Variants in MAP4K3 observed in about 807,000 individuals in gnomAD.
MAP4K3 encodes mitogen-activated protein kinase kinase kinase kinase 3, also known as MAPK/ERK kinase kinase kinase 3.
Under a neutral mutation model 143.5 loss-of-function variants are expected in MAP4K3, and 94 were observed. That is an observed-to-expected ratio of 0.65 (90% CI 0.55 to 0.78). MAP4K3 has a LOEUF of 0.78. MAP4K3 is among the 30% of genes least tolerant of loss of function. MAP4K3 has a pLI of 0.00. For synonymous variants in MAP4K3, 416 were observed against 347.2 expected, an observed-to-expected ratio of 1.20 and a Z score of -2.20; for missense variants, 1,077 against 1,068.1, an observed-to-expected ratio of 1.01 and a Z score of -0.12.
At chr2:39,390,501 A>G (rs1463382859) in intron 1 of MAP4K3, among the ~76,000 whole-genome samples, 2 of 152,200 alleles carry the variant, frequency 1.3e-5, no homozygotes, top group Non-Finnish European at 2.9e-5. Flanking sequence ...GATTCAATCA[A>G]TAGCCTATCA....
At chr2:39,284,779 G>A (rs1573095070) in intron 21 of MAP4K3, among the ~76,000 whole-genome samples, 1 of 151,832 alleles carries the variant, frequency 6.6e-6, no homozygotes, top group Admixed American at 6.6e-5. Context: ...AGAAGGTGGA[G>A]GTTGCAGTGA....
At chr2:39,285,566 A>G (rs181233462) in intron 21 of MAP4K3, among the ~76,000 whole-genome samples, 2 of 152,334 alleles carry the variant, frequency 1.3e-5, no homozygotes, top group East Asian at 1.9e-4. Flanking sequence ...ATTACAATGA[A>G]TAACACCAAA....
At chr2:39,333,495 T>G (rs1351944003) in intron 7 of MAP4K3, 37 bp downstream of exon 7, 3 of 1,519,280 alleles carry the variant, frequency 2.0e-6, no homozygotes, top group Non-Finnish European at 2.7e-6. Flanking sequence ...TATCTTAGAA[T>G]AGATTTGTGC....
chr2:39,264,132 A>G (rs1468485742), intron 28 of MAP4K3, among the ~76,000 whole-genome samples: 1 of 152,186 alleles, frequency 6.6e-6, no homozygotes, highest in African/African-American at 2.4e-5. Context: ...GAAAAATCAA[A>G]CTGTGTAGAC....
Position 39,323,654 on chromosome 2 carries a change from A to G in MAP4K3, c.918+1864T>C, listed in dbSNP as rs112048260. On this transcript the variant is annotated intron_variant, in intron 12 of 33. Coordinates refer to ENST00000263881, the MANE Select transcript of MAP4K3 (RefSeq NM_003618.4). ...ATGCACATCATGATCATGATTAGAA[A>G]GAAAATTAGAAAGCAATATGACAAT... The G allele has an allele frequency of 1.6e-3, 238 of 152,294 alleles. 3 individuals are homozygous for G. Among genetic ancestry groups the G allele is most frequent in the African/African-American group, 5.6e-3 (231 of 41,564 alleles). The allele number at this position is 152,294 out of a possible 1,614,324, so 9.4% of individuals were successfully genotyped here.
At chr2:39,407,381 A>G (rs556752421) in intron 1 of MAP4K3, among the ~76,000 whole-genome samples, 4 of 152,030 alleles carry the variant, frequency 2.6e-5, no homozygotes, top group Non-Finnish European at 5.9e-5. Flanking sequence ...TTAAAGTTGA[A>G]GAATGCCAGT....
chr2:39,289,349 G>C (rs966532112), intron 19 of MAP4K3, among the ~76,000 whole-genome samples: 2 of 151,926 alleles, frequency 1.3e-5, no homozygotes, highest in Admixed American at 6.6e-5. Flanking sequence ...GTAATAAACC[G>C]AATGACAAGA....
At chr2:39,394,104 T>C (rs1340457046) in intron 1 of MAP4K3, among the ~76,000 whole-genome samples, 1 of 152,242 alleles carries the variant, frequency 6.6e-6, no homozygotes, top group Non-Finnish European at 1.5e-5. Flanking sequence ...TGTTATGCTT[T>C]ATAAAAATTT....
At chr2:39,422,005 G>A (rs981565116) in intron 1 of MAP4K3, among the ~76,000 whole-genome samples, 7 of 150,388 alleles carry the variant, frequency 4.7e-5, no homozygotes, top group South Asian at 2.1e-4. Flanking sequence ...ATTACTTAAC[G>A]CTATAATTAC....
At chr2:39,352,226 G>C (rs1665481358) in intron 3 of MAP4K3, among the ~76,000 whole-genome samples, 2 of 152,110 alleles carry the variant, frequency 1.3e-5, no homozygotes, top group South Asian at 4.1e-4. Flanking sequence ...GGGAGGTGGA[G>C]GTTGCAGTGA....
chr2:39,428,009 T>G (rs1665149372), intron 1 of MAP4K3, among the ~76,000 whole-genome samples: 1 of 152,222 alleles, frequency 6.6e-6, no homozygotes, highest in Non-Finnish European at 1.5e-5. Context: ...CAAATACAAT[T>G]TTTCTTCAAG....
Position 39,337,531 on chromosome 2 carries a change from G to A in MAP4K3, c.361C>T (p.Leu121=). 1.2e-6 allele frequency: 2 copies of A among 1,610,394 alleles called. No homozygotes were observed. The highest frequency in any genetic ancestry group is 8.5e-7 in the Non-Finnish European group (1 of 1,177,246). ...TGAATTAGCACTTGATTTACCTGCA[G>A]TGTTTCTCTGCTAACATATGCAATT... ...LQIAYVSRET[L]QGLYYLHSKG... Residue 121 remains leucine (L), a synonymous_variant, in exon 5 of 34, where the codon CTG becomes TTG. Coordinates refer to ENST00000263881, the MANE Select transcript of MAP4K3 (RefSeq NM_003618.4).
intron 26 of MAP4K3, among the ~76,000 whole-genome samples, chr2:39,269,634 T>C (rs17446515): frequency 0.033 from 5,003 of 152,112 alleles, 116 homozygotes; most frequent in South Asian, 0.053. Flanking sequence ...TCAATTTAAA[T>C]GAACATTATT....
intron 27 of MAP4K3, among the ~76,000 whole-genome samples, 156 bp downstream of exon 27, chr2:39,267,033 G>A (rs1473167514): frequency 6.6e-6 from 1 of 152,012 alleles, no homozygotes; most frequent in Non-Finnish European, 1.5e-5. Flanking sequence ...TATGTATTAG[G>A]CTTAGTCTAC....
chr2:39,275,290 G>C (rs1242142947), intron 24 of MAP4K3, among the ~76,000 whole-genome samples: 1 of 152,138 alleles, frequency 6.6e-6, no homozygotes, highest in Non-Finnish European at 1.5e-5. Context: ...TTTGAGACCA[G>C]CCTGGGCAAC....
intron 1 of MAP4K3, among the ~76,000 whole-genome samples, chr2:39,408,296 C>T (rs950729707): frequency 1.3e-5 from 2 of 152,046 alleles, no homozygotes; most frequent in African/African-American, 4.8e-5. Flanking sequence ...CCCAGGAGTT[C>T]AACACTGAAG....
intron 1 of MAP4K3, among the ~76,000 whole-genome samples, chr2:39,398,695 T>C (rs920629822): frequency 5.0e-4 from 74 of 148,244 alleles, no homozygotes; most frequent in African/African-American, 1.8e-3. Context: ...TTTCCTTTGA[T>C]GGTTTCAGGA....
At chr2:39,341,082 C>A (rs1052415005) in intron 4 of MAP4K3, among the ~76,000 whole-genome samples, 6 of 151,942 alleles carry the variant, frequency 3.9e-5, no homozygotes, top group Non-Finnish European at 8.8e-5. Context: ...TGTTAAGTCC[C>A]AAGCAGAAAA....
rs1441217082 is a variant in MAP4K3 at position 39,250,071 on chromosome 2, A to C, written c.*547T>G. ...CCAGTGTACTTGCATTAAAATTAAA[A>C]AGATTATAAAATGATTACAGCCTCC... On this transcript the variant is annotated 3_prime_UTR_variant, in exon 34 of 34. Coordinates refer to ENST00000263881, the MANE Select transcript of MAP4K3 (RefSeq NM_003618.4). 6.6e-6 allele frequency: 1 copy of C among 152,526 alleles called. No homozygotes were observed. The highest frequency in any genetic ancestry group is 1.5e-5 in the Non-Finnish European group (1 of 67,990). 9.4% of individuals were successfully genotyped at this position (152,526 alleles called of 1,614,324 possible). A position where few individuals can be genotyped will look rare whatever the true frequency, so the allele number is the denominator to read the frequency against.
Sources: gnomAD v4.1 joint callset for allele counts (sites outside exome capture counted in the v4.1 genomes callset) on GRCh38, gnomAD v4.1.1 for gene constraint, MANE v1.5 for transcripts, NCBI Gene and HGNC (gene_info 2026-07-23, HGNC 2026-07-21) for gene names.